The following ZNF326 variants were observed in gnomAD, a reference collection of about 807,000 sequenced individuals.
The protein encoded by ZNF326 is zinc finger protein 326.
Under a neutral mutation model 63.1 loss-of-function variants are expected in ZNF326, and 30 were observed. The ratio of observed to expected loss-of-function variants is 0.48; its 90% CI spans 0.36 to 0.64. The LOEUF (loss-of-function observed/expected upper bound fraction) is 0.64. ZNF326 is among the 30% of genes least tolerant of loss of function. The pLI, the probability that ZNF326 is intolerant of heterozygous loss-of-function variation, is 0.00. For synonymous variants in ZNF326, 194 were observed against 228.2 expected (o/e 0.85, Z 1.35); for missense variants, 609 against 720.3 (o/e 0.85, Z 1.77).
intron 4 of ZNF326, 119 bp downstream of exon 4, chr1:90,005,363 T>C: frequency 6.9e-7 from 1 of 1,442,448 alleles, no homozygotes; most frequent in South Asian, 1.6e-5. Context: ...TATTGAATCA[T>C]CACCTTAAAT....
chr1:90,024,114 T>A (rs908477965), intron 11 of ZNF326, among the ~76,000 whole-genome samples: 3 of 152,220 alleles, frequency 2.0e-5, no homozygotes, highest in Admixed American at 6.5e-5. Flanking sequence ...CCAGAACATC[T>A]TCTGCTCATG....
chr1:90,012,724 CT>C (rs1649309091), intron 6 of ZNF326, among the ~76,000 whole-genome samples: 1 of 152,112 alleles, frequency 6.6e-6, no homozygotes, highest in South Asian at 2.1e-4. Flanking sequence ...ATCCAGGGCT[CT>C]GCAGTGTTTA....
At position 90,028,995 on chromosome 1, in the gene ZNF326, G is replaced by C. The variant is rs911481769; in HGVS notation, c.*1294G>C. On this transcript the variant is annotated 3_prime_UTR_variant, in exon 12 of 12. Transcript: ENST00000340281. Reference sequence around the variant, plus strand: ...ATTTTTGTAGTTTTTGTAGAGACAGGGTTTTACCATGTTGTCCAGGCTGGT... The same window carrying C: ...ATTTTTGTAGTTTTTGTAGAGACAGCGTTTTACCATGTTGTCCAGGCTGGT... 1 of 151,838 alleles carries C rather than the reference G, an allele frequency of 6.6e-6. No homozygotes were observed. Among genetic ancestry groups the C allele is most frequent in the African/African-American group, 2.4e-5 (1 of 41,292 alleles). 9.4% of individuals were successfully genotyped at this position (151,838 alleles called of 1,614,324 possible).
chr1:90,012,377 A>G (rs1465432680), intron 6 of ZNF326, among the ~76,000 whole-genome samples: 1 of 152,202 alleles, frequency 6.6e-6, no homozygotes, highest in Non-Finnish European at 1.5e-5. Flanking sequence ...GATTCTAGGT[A>G]TATGAAATAC....
intron 6 of ZNF326, among the ~76,000 whole-genome samples, chr1:90,011,924 G>T (rs1649266153): frequency 1.3e-5 from 2 of 152,088 alleles, no homozygotes. Flanking sequence ...TGCAACCTCT[G>T]CCCCTGGGTT....
chr1:90,026,290 A>G (rs1028334044), intron 11 of ZNF326, among the ~76,000 whole-genome samples: 14 of 152,206 alleles, frequency 9.2e-5, no homozygotes, highest in African/African-American at 3.1e-4. Flanking sequence ...TGTATAGTGT[A>G]GGCATCTTCA....
rs758668567 is a variant in ZNF326 at position 90,007,186 on chromosome 1, G to A, written c.210-159G>A. Among the ~76,000 whole-genome samples the A allele has an allele frequency of 6.6e-6, 1 of 152,162 alleles. No homozygotes were observed. Among genetic ancestry groups the A allele is most frequent in the South Asian group, 2.1e-4 (1 of 4,830 alleles). ...TTTCTATCTGGTCTCACGTTGAACT[G>A]CCCAGCCCTAATCAAATGTGAACAA... is the stretch of plus-strand genomic sequence containing the variant. On this transcript the variant is annotated intron_variant, in intron 4 of 11. Transcript: ENST00000340281. The surrounding 1 kb of genome is among the most constrained non-coding windows in gnomAD (Gnocchi z 4.9).
In ZNF326 at chr1:90,007,911, T is replaced by C. The variant is rs1376477425; in HGVS notation, c.615+161T>C. 6.6e-6 allele frequency among the ~76,000 whole-genome samples: 1 copy of C among 152,234 alleles called. No homozygotes were observed. The highest frequency in any genetic ancestry group is 2.4e-5 in the African/African-American group (1 of 41,452). ...TTTTTAGGTTGACTGTAAAAGTTTT[T>C]CTAGCACCTCAGAAAATAAGTGGCA... On this transcript the variant is annotated intron_variant, in intron 5 of 11. Coordinates refer to ENST00000340281, the MANE Select transcript of ZNF326 (RefSeq NM_182976.4). The surrounding 1 kb of genome is among the most constrained non-coding windows in gnomAD (Gnocchi z 4.9).
chr1:90,026,385 A>G (rs372157373), intron 11 of ZNF326, among the ~76,000 whole-genome samples: 11 of 152,046 alleles, frequency 7.2e-5, no homozygotes, highest in Middle Eastern at 3.2e-3. Flanking sequence ...GGCTTCACCA[A>G]TGCACTCTCT....
At position 90,031,199 on chromosome 1, in the gene ZNF326, CTT is replaced by C. The variant is rs1408512352; in HGVS notation, c.*3501_*3502del. 1 of 152,136 alleles carries C rather than the reference CTT, an allele frequency of 6.6e-6. No individual in the cohort carries two copies. The highest frequency in any genetic ancestry group is 1.5e-5 in the Non-Finnish European group (1 of 68,028). 9.4% of individuals were successfully genotyped at this position (152,136 alleles called of 1,614,324 possible). On this transcript the variant is annotated 3_prime_UTR_variant, in exon 12 of 12. Transcript: ENST00000340281. Reference sequence around the variant, plus strand: ...ACCTGTGGGAGTCAGAAAATGGGGACTTTTCCCCCCTCATTTAATACTTACAA... The same window carrying C: ...ACCTGTGGGAGTCAGAAAATGGGGACTTCCCCCCTCATTTAATACTTACAA...
At chr1:90,011,607 G>A (rs1398636416) in intron 6 of ZNF326, among the ~76,000 whole-genome samples, 3 of 149,354 alleles carry the variant, frequency 2.0e-5, no homozygotes, top group African/African-American at 7.4e-5. Flanking sequence ...TACCCACTTG[G>A]ATGGTCATAA....
At position 90,027,419 on chromosome 1, in the gene ZNF326, T is replaced by G. The variant is rs1650062504; in HGVS notation, c.1467T>G (p.Asp489Glu). ...AGCAAATAGAAGGAGATGAGGAGGA[T>G]GAAGAGAAGATTGATGAACCTATTG... ...QDQQIEGDEE[D>E]EEKIDEPIEE... Residue 489 changes from aspartate (D) to glutamate (E), a missense_variant, in exon 12 of 12, where the codon GAT becomes GAG. Coordinates refer to ENST00000340281, the MANE Select transcript of ZNF326 (RefSeq NM_182976.4). 2 of 1,613,492 alleles carry G rather than the reference T, an allele frequency of 1.2e-6. No individual in the cohort carries two copies. Among genetic ancestry groups the G allele is most frequent in the East Asian group, 4.5e-5 (2 of 44,844 alleles).
chr1:90,034,291 T>C lies in ZNF326; in HGVS notation c.*6590T>C, dbSNP rs1352106930. 1 of 152,172 alleles carries C rather than the reference T, an allele frequency of 6.6e-6. No individual in the cohort carries two copies. Among genetic ancestry groups the C allele is most frequent in the African/African-American group, 2.4e-5 (1 of 41,450 alleles). The allele number at this position is 152,172 out of a possible 1,614,324, so 9.4% of individuals were successfully genotyped here. ...TTAGAACATGCAAGGATTTCAGAAATTAACTCATAAAACACAACCTGCACG... is the reference window on the plus strand; with the variant it reads ...TTAGAACATGCAAGGATTTCAGAAACTAACTCATAAAACACAACCTGCACG... On this transcript the variant is annotated 3_prime_UTR_variant, in exon 12 of 12. Transcript: ENST00000340281.
chr1:90,023,574 C>T (rs577409058), intron 11 of ZNF326, among the ~76,000 whole-genome samples: 1 of 152,202 alleles, frequency 6.6e-6, no homozygotes, highest in Non-Finnish European at 1.5e-5. Flanking sequence ...AAAATGAATG[C>T]AGCCCTCAAT....
In ZNF326 at chr1:89,998,148, T is replaced by A; in HGVS notation, c.55T>A (p.Phe19Ile). The stretch of plus-strand genomic sequence containing the variant: ...CGCCTGCAGGAATACTTATCAGGGC[T>A]TTAATGGTAAGTATCCTCTTTCAGC... ...HSACRNTYQG[F>I]NGMDRDYGPG... Residue 19 changes from phenylalanine to isoleucine, a missense_variant, in exon 2 of 12, where the codon TTT becomes ATT. Around this residue, in one of 3 missense-constraint regions of ZNF326, gnomAD observed 97 missense variants for 88.7 expected, o/e 1.09. Coordinates refer to ENST00000340281, the MANE Select transcript of ZNF326 (RefSeq NM_182976.4). The A allele has an allele frequency of 6.2e-7, 1 of 1,613,198 alleles. No homozygotes were observed. The highest frequency in any genetic ancestry group is 8.5e-7 in the Non-Finnish European group (1 of 1,179,830).
chr1:90,017,143 A>G (rs1177767584), intron 7 of ZNF326, among the ~76,000 whole-genome samples, 174 bp from the exon 8 acceptor site: 1 of 152,236 alleles, frequency 6.6e-6, no homozygotes, highest in South Asian at 2.1e-4. Context: ...GGTACTGTCC[A>G]AATATGTACT....
rs769945180 is a variant in ZNF326, at chr1:90,010,396, T to C, written c.814+110T>C. On this transcript the variant is annotated intron_variant, in intron 6 of 11. Transcript: ENST00000340281. ...ATATACAGAAACTACATAACAATTA[T>C]GATTGTAGAAGTTAGATCTGTAAAT... 225 of 1,102,492 alleles carry C rather than the reference T, an allele frequency of 2.0e-4. 1 individual carries two copies. The highest frequency in any genetic ancestry group is 2.7e-4 in the Non-Finnish European group (209 of 777,276). The allele number at this position is 1,102,492 out of a possible 1,614,324, so 68.3% of individuals were successfully genotyped here. A position where few individuals can be genotyped will look rare whatever the true frequency, so the allele number is the denominator to read the frequency against.
intron 11 of ZNF326, among the ~76,000 whole-genome samples, chr1:90,024,408 G>A (rs1649915197): frequency 6.6e-6 from 1 of 152,078 alleles, no homozygotes; most frequent in South Asian, 2.1e-4. Flanking sequence ...ATTAGTTCTA[G>A]CTCTACGGTT....
intron 2 of ZNF326, among the ~76,000 whole-genome samples, chr1:90,004,361 C>T (rs1395374332): frequency 2.6e-5 from 4 of 152,152 alleles, no homozygotes; most frequent in Non-Finnish European, 4.4e-5. Context: ...AGTTTTCAGA[C>T]ATTTAAAGAG....
Sources: allele counts gnomAD v4.1 joint callset (sites outside exome capture counted in the v4.1 genomes callset), GRCh38; gene constraint gnomAD v4.1.1; regional missense constraint gnomAD v4.1.1; non-coding constraint Gnocchi (gnomAD v3.1); transcripts MANE v1.5; gene names NCBI Gene and HGNC (gene_info 2026-07-23, HGNC 2026-07-21).